The following APC variants were observed in gnomAD, a reference collection of about 807,000 sequenced individuals.
The protein encoded by APC is APC regulator of Wnt signaling pathway, also known as adenomatous polyposis coli protein.
A neutral mutation model predicts 247.0 loss-of-function variants in APC; 72 were observed. That is an observed-to-expected ratio of 0.29 (90% CI 0.24 to 0.35). The LOEUF (loss-of-function observed/expected upper bound fraction) is 0.35. Ranked by LOEUF, APC falls within the 10% of genes least tolerant of loss-of-function variation. The probability of loss-of-function intolerance (pLI) is 1.00; values close to 1 mark genes in which losing one functional copy is unlikely to be tolerated. For missense variants in APC, 3,400 were observed against 3,360.7 expected (o/e 1.01, Z -0.29); for synonymous variants, 1,254 against 1,162.5 (o/e 1.08, Z -1.60).
chr5:112,743,458 C>G (rs996381634), intron 1 of APC, among the ~76,000 whole-genome samples: 1 of 152,032 alleles, frequency 6.6e-6, no homozygotes, highest in Non-Finnish European at 1.5e-5. Context: ...GTTATTTTTA[C>G]TTTTGCGAAT....
In APC at chr5:112,775,737, T is replaced by C. The variant is rs1234730026; in HGVS notation, c.531T>C (p.Asn177=). The change falls in exon 5 of 16, where the codon AAT becomes AAC. Residue 177 remains asparagine (N), a splice_region_variant and synonymous_variant. Transcript: ENST00000257430. ...KRIDSLPLTE[N]FSLQTDMTRR... is the part of the protein sequence containing the mutation. Reference sequence around the variant, plus strand: ...TAGATAGTCTTCCTTTAACTGAAAATGTAAGTAACTTGGCAGTACAACTTA... The same window carrying C: ...TAGATAGTCTTCCTTTAACTGAAAACGTAAGTAACTTGGCAGTACAACTTA... The C allele has an allele frequency of 1.3e-6, 2 of 1,511,590 alleles. No homozygotes were observed. The highest frequency in any genetic ancestry group is 1.2e-5 in the South Asian group (1 of 83,322). 93.6% of individuals were successfully genotyped at this position (1,511,590 alleles called of 1,614,324 possible). A position where few individuals can be genotyped will look rare whatever the true frequency, so the allele number is the denominator to read the frequency against.
intron 1 of APC, among the ~76,000 whole-genome samples, chr5:112,721,216 C>G (rs1257139087): frequency 6.6e-6 from 1 of 152,084 alleles, no homozygotes; most frequent in Non-Finnish European, 1.5e-5. Context: ...GAGTTCGAGA[C>G]CAGCCTGGCC....
rs771626604 is a variant in APC at position 112,842,443 on chromosome 5, C to A, written c.6849C>A (p.Ser2283Arg). The A allele has an allele frequency of 1.2e-6, 2 of 1,613,930 alleles. No homozygotes were observed. Among genetic ancestry groups the A allele is most frequent in the Admixed American group, 1.7e-5 (1 of 59,986 alleles). ...AGCCATCTGTGAAATCAGAATTAAG[C>A]CCTGTTGCCAGGCAGACATCCCAAA... ...GAKPSVKSEL[S>R]PVARQTSQIG... Residue 2283 changes from serine (S) to arginine (R), a missense_variant, in exon 16 of 16, where the codon AGC (serine) becomes AGA (arginine). Transcript: ENST00000257430.
At chr5:112,806,992 G>A (rs1274228036) in intron 8 of APC, among the ~76,000 whole-genome samples, 1 of 152,026 alleles carries the variant, frequency 6.6e-6, no homozygotes, top group East Asian at 1.9e-4. Context: ...AATTAGCCAG[G>A]CATGGTGGCG....
In APC at chr5:112,839,604, T is replaced by C; in HGVS notation, c.4010T>C (p.Leu1337Pro). The change falls in exon 16 of 16, where the codon CTG becomes CCG. Residue 1337 changes from leucine to proline, a missense_variant. Leu to Pro is a moderately conservative substitution (Grantham distance 98, BLOSUM62 -3). Coordinates refer to ENST00000257430, the MANE Select transcript of APC (RefSeq NM_000038.6). This position sits in a 1 kb window ranked among gnomAD's most constrained non-coding sequence, Gnocchi z 5.0. Reference sequence around the variant, plus strand: ...CACCCTAGAACCAAATCCAGCAGACTGCAGGGTTCTAGTTTATCTTCAGAA... The same window carrying C: ...CACCCTAGAACCAAATCCAGCAGACCGCAGGGTTCTAGTTTATCTTCAGAA... ...SQHPRTKSSR[L>P]QGSSLSSESA... 6.2e-7 allele frequency: 1 copy of C among 1,614,176 alleles called. No homozygotes were observed. Among genetic ancestry groups the C allele is most frequent in the Non-Finnish European group, 8.5e-7 (1 of 1,180,014 alleles).
At chr5:112,801,879 G>T (rs1160581481) in intron 8 of APC, among the ~76,000 whole-genome samples, 1 of 151,812 alleles carries the variant, frequency 6.6e-6, no homozygotes, top group Non-Finnish European at 1.5e-5. Flanking sequence ...AGGCAACATG[G>T]CCTAATTATG....
intron 1 of APC, among the ~76,000 whole-genome samples, chr5:112,746,019 A>G (rs1240221774): frequency 1.3e-5 from 2 of 152,184 alleles, no homozygotes; most frequent in Admixed American, 6.5e-5. Flanking sequence ...ATGAAACCCT[A>G]AAAAGTTTAA....
intron 1 of APC, among the ~76,000 whole-genome samples, chr5:112,721,774 C>A (rs956690849): frequency 6.6e-6 from 1 of 152,196 alleles, no homozygotes; most frequent in African/African-American, 2.4e-5. Context: ...TCCCTCTACA[C>A]CAGGCTTGTC....
At position 112,841,101 on chromosome 5, in the gene APC, G is replaced by C. The variant is rs1363066852; in HGVS notation, c.5507G>C (p.Gly1836Ala). ...KLPNNEDRVR[G>A]SFAFDSPHHY... The stretch of plus-strand genomic sequence containing the variant: ...CCAAATAATGAAGATAGAGTCAGAG[G>C]AAGTTTTGCTTTTGATTCACCTCAT... The change falls in exon 16 of 16, where the codon GGA (glycine) becomes GCA (alanine). Residue 1836 changes from glycine to alanine, a missense_variant. This residue lies in a region of APC where 1,788 missense variants were observed against 1,649.5 expected (regional missense o/e 1.08). Coordinates refer to ENST00000257430, the MANE Select transcript of APC (RefSeq NM_000038.6). This position sits in a 1 kb window ranked among gnomAD's most constrained non-coding sequence, Gnocchi z 4.6. 6.2e-7 allele frequency: 1 copy of C among 1,613,030 alleles called. No homozygotes were observed. The highest frequency in any genetic ancestry group is 8.5e-7 in the Non-Finnish European group (1 of 1,179,036).
chr5:112,844,325 GT>G lies in APC; in HGVS notation c.*201del. On this transcript the variant is annotated 3_prime_UTR_variant, in exon 16 of 16. Transcript: ENST00000257430. ...CTTATTTTGGGAGGCACTCTTGATG[GT>G]TAGGAAAAAAATAGTAAAGCCAAGT... 1 of 585,504 alleles carries G rather than the reference GT, an allele frequency of 1.7e-6. No homozygotes were observed. Among genetic ancestry groups the G allele is most frequent in the Non-Finnish European group, 2.9e-6 (1 of 339,012 alleles). The allele number at this position is 585,504 out of a possible 1,614,324, so 36.3% of individuals were successfully genotyped here. A position where few individuals can be genotyped will look rare whatever the true frequency, so the allele number is the denominator to read the frequency against.
intron 2 of APC, among the ~76,000 whole-genome samples, chr5:112,764,871 T>C (rs1056680390): frequency 6.6e-6 from 1 of 152,214 alleles, no homozygotes; most frequent in African/African-American, 2.4e-5. Context: ...CTGAAGTTTA[T>C]AGTAGACATT....
At chr5:112,834,083 C>T (rs1258374201) in intron 14 of APC, among the ~76,000 whole-genome samples, 4 of 151,610 alleles carry the variant, frequency 2.6e-5, no homozygotes, top group Admixed American at 6.6e-5. Context: ...TGACTGCAGG[C>T]GCGTGCCACC....
At position 112,726,669 on chromosome 5, in the gene APC, C is replaced by T. The variant is rs114508108; in HGVS notation, c.165+18787C>T. Reference sequence around the variant, plus strand: ...GGGGCCTTTGCTGGAGAGCTACCCTCCTCTACCCAGTATTTCCCTGTTTCC... The same window carrying T: ...GGGGCCTTTGCTGGAGAGCTACCCTTCTCTACCCAGTATTTCCCTGTTTCC... On this transcript the variant is annotated intron_variant, in intron 1 of 13. Coordinates refer to the APC transcript ENST00000507379. Among the ~76,000 whole-genome samples, 88 of 152,206 alleles carry T rather than the reference C, an allele frequency of 5.8e-4. 1 individual carries two copies. The highest frequency in any genetic ancestry group is 2.0e-3 in the African/African-American group (84 of 41,524).
chr5:112,714,228 AC>A (rs1467411499), intron 1 of APC, among the ~76,000 whole-genome samples: 3 of 152,342 alleles, frequency 2.0e-5, no homozygotes, highest in African/African-American at 7.2e-5. Context: ...ACTGCGAGGT[AC>A]TACTCATAAT....
At chr5:112,837,402 A>C (rs565886570) in intron 15 of APC, 151 bp from the exon 16 acceptor site, 4 of 575,106 alleles carry the variant, frequency 7.0e-6, no homozygotes, top group Non-Finnish European at 1.2e-5. Context: ...TAAACATTAC[A>C]TGAAATTAGA....
At chr5:112,777,679 T>C (rs972502559) in intron 5 of APC, 10 of 213,150 alleles carry the variant, frequency 4.7e-5, no homozygotes, top group Non-Finnish European at 9.8e-5. Context: ...GCCAAGTTAG[T>C]TTCTCTTTTA....
At position 112,707,682 on chromosome 5, in the gene APC, A is replaced by G. The variant is rs1331978936; in HGVS notation, c.-36A>G. ...TGTTGGCTGTTGGTGAGGAAGGTGAAGCACTCAGTTGCCTTCTCGGGCCTC... is the reference window on the plus strand; with the variant it reads ...TGTTGGCTGTTGGTGAGGAAGGTGAGGCACTCAGTTGCCTTCTCGGGCCTC... On this transcript the variant is annotated 5_prime_UTR_variant, in exon 1 of 14. Coordinates refer to the APC transcript ENST00000507379. 1.5e-6 allele frequency: 2 copies of G among 1,370,204 alleles called. No individual in the cohort carries two copies. Among genetic ancestry groups the G allele is most frequent in the Non-Finnish European group, 1.9e-6 (2 of 1,038,658 alleles). 84.9% of individuals were successfully genotyped at this position (1,370,204 alleles called of 1,614,324 possible).
At position 112,812,854 on chromosome 5, in the gene APC, A is replaced by G. The variant is rs532176777; in HGVS notation, c.835-2641A>G. Among the ~76,000 whole-genome samples, 5 of 152,336 alleles carry G rather than the reference A, an allele frequency of 3.3e-5. No individual in the cohort carries two copies. In the South Asian group the frequency reaches 1.0e-3, roughly 32 times the overall value. Reference sequence around the variant, plus strand: ...TTGTTGCTTGGTTGCATGTGGATTTAAAGACCATTCCAGAAGCAGTCAATA... The same window carrying G: ...TTGTTGCTTGGTTGCATGTGGATTTGAAGACCATTCCAGAAGCAGTCAATA... On this transcript the variant is annotated intron_variant, in intron 8 of 15. Transcript: ENST00000257430.
intron 1 of APC, among the ~76,000 whole-genome samples, chr5:112,726,196 G>A (rs188703824): frequency 6.6e-6 from 1 of 152,212 alleles, no homozygotes; most frequent in Non-Finnish European, 1.5e-5. Context: ...CCTTGCAGAC[G>A]ACTTAAGTGT....
Sources: allele counts gnomAD v4.1 joint callset (sites outside exome capture counted in the v4.1 genomes callset), GRCh38; gene constraint gnomAD v4.1.1; regional missense constraint gnomAD v4.1.1; non-coding constraint Gnocchi (gnomAD v3.1); transcripts MANE v1.5; gene names NCBI Gene and HGNC (gene_info 2026-07-23, HGNC 2026-07-21).